Variants in PIWIL4 observed in about 807,000 individuals in gnomAD.
PIWIL4 encodes the protein piwi like RNA-mediated gene silencing 4, also known as piwi-like protein 4.
In PIWIL4, 50 loss-of-function variants were observed where a neutral mutation model predicts 100.9. The observed-to-expected ratio is 0.50, with a 90% confidence interval of 0.39 to 0.63. The LOEUF (loss-of-function observed/expected upper bound fraction) is 0.63, where lower values mean the gene tolerates loss of function less well. PIWIL4 is among the 20% of genes least tolerant of loss of function. PIWIL4 has a pLI of 0.00. For synonymous variants in PIWIL4, 342 were observed against 367.5 expected (o/e 0.93, Z 0.79); for missense variants, 887 against 1,043.3 (o/e 0.85, Z 2.06).
At chr11:94,601,379 A>C (rs1022809050) in intron 11 of PIWIL4, among the ~76,000 whole-genome samples, 1 of 152,116 alleles carries the variant, frequency 6.6e-6, no homozygotes, top group Non-Finnish European at 1.5e-5. Flanking sequence ...GATGACCTAG[A>C]GTATTGATAA....
chr11:94,569,045 T>C (rs918063165), intron 2 of PIWIL4, among the ~76,000 whole-genome samples: 2 of 152,250 alleles, frequency 1.3e-5, no homozygotes, highest in Non-Finnish European at 2.9e-5. Flanking sequence ...TCTGTCTCTT[T>C]CTATTCACTG....
Position 94,608,289 on chromosome 11 carries a change from C to A in PIWIL4, c.1840-294C>A, listed in dbSNP as rs1324016596. On this transcript the variant is annotated intron_variant, in intron 14 of 19. Coordinates refer to ENST00000299001, the MANE Select transcript of PIWIL4 (RefSeq NM_152431.3). ...GCAAGCGATAGATACACTGACCACA[C>A]TCCCAGAATCTCTTTAGCCACTGGT... The A allele has an allele frequency of 1.3e-5, 4 of 296,706 alleles. No individual in the cohort carries two copies. The East Asian group carries it at 2.2e-4, about 16-fold the overall frequency. 18.4% of individuals were successfully genotyped at this position (296,706 alleles called of 1,614,324 possible).
chr11:94,611,456 T>G (rs1250617927), intron 15 of PIWIL4, among the ~76,000 whole-genome samples: 3 of 152,218 alleles, frequency 2.0e-5, no homozygotes, highest in Non-Finnish European at 4.4e-5. Flanking sequence ...TGTGTTTCTA[T>G]ATTTCAATTT....
intron 15 of PIWIL4, among the ~76,000 whole-genome samples, chr11:94,612,224 C>T (rs763838534): frequency 6.6e-6 from 1 of 151,544 alleles, no homozygotes; most frequent in South Asian, 2.1e-4. Flanking sequence ...TTTAGATGCT[C>T]AACTATTAGG....
chr11:94,599,796 C>G (rs952235338), intron 11 of PIWIL4, among the ~76,000 whole-genome samples: 9 of 152,180 alleles, frequency 5.9e-5, no homozygotes, highest in Admixed American at 2.6e-4. Context: ...TTCATAACCT[C>G]TCAGTCACAG....
At chr11:94,592,955 A>G (rs967117170) in intron 8 of PIWIL4, among the ~76,000 whole-genome samples, 1 of 152,204 alleles carries the variant, frequency 6.6e-6, no homozygotes, top group Non-Finnish European at 1.5e-5. Context: ...CCAGTGTCAC[A>G]GCCCAAGCAA....
chr11:94,603,203 C>T (rs576054935), intron 12 of PIWIL4, among the ~76,000 whole-genome samples: 8 of 151,108 alleles, frequency 5.3e-5, no homozygotes, highest in East Asian at 4.0e-4. Flanking sequence ...GTTGCTGAGA[C>T]GGTTCGGCCA....
At position 94,607,544 on chromosome 11, in the gene PIWIL4, T is replaced by G. The variant is rs1489155221; in HGVS notation, c.1744T>G (p.Leu582Val). Residue 582 changes from leucine to valine, a missense_variant, in exon 14 of 20, where the codon TTG becomes GTG. Transcript: ENST00000299001. ...VPSQCVLART[L>V]NKQGMMMSIA... is the part of the protein sequence containing the mutation. ...AAGCCAATGTGTGCTTGCTCGGACCTTGAATAAACAGGGCATGATGATGAG... is the reference window on the plus strand; with the variant it reads ...AAGCCAATGTGTGCTTGCTCGGACCGTGAATAAACAGGGCATGATGATGAG... 1.9e-6 allele frequency: 3 copies of G among 1,614,092 alleles called. No homozygotes were observed. In the East Asian group the frequency reaches 6.7e-5, roughly 36 times the overall value.
At chr11:94,577,838 G>A (rs1948259387) in intron 4 of PIWIL4, among the ~76,000 whole-genome samples, 1 of 152,156 alleles carries the variant, frequency 6.6e-6, no homozygotes, top group African/African-American at 2.4e-5. Context: ...AAAAAAGTCA[G>A]AAGGAGCCAA....
Position 94,587,202 on chromosome 11 carries a change from C to T in PIWIL4, c.869C>T (p.Thr290Ile), listed in dbSNP as rs1948413598. ...CAAAGAACTGGCTTGTCCTGTTTCA[C>T]CCAGACGTGTGAGAAGCAGCTAATA... Reference protein sequence around the residue: ...LCQRTGLSCFTQTCEKQLIGL... With the variant: ...LCQRTGLSCFIQTCEKQLIGL... The change falls in exon 7 of 20, where the codon ACC (threonine) becomes ATC (isoleucine). Residue 290 changes from threonine (T) to isoleucine (I), a missense_variant. Thr to Ile is a moderately conservative substitution (Grantham distance 89). Around this residue, in one of 2 missense-constraint regions of PIWIL4, gnomAD observed 741 missense variants for 930.0 expected, o/e 0.80. Transcript: ENST00000299001. 3 of 1,614,156 alleles carry T rather than the reference C, an allele frequency of 1.9e-6. No individual in the cohort carries two copies. The highest frequency in any genetic ancestry group is 2.5e-6 in the Non-Finnish European group (3 of 1,180,022).
At chr11:94,589,826 G>A (rs1381910386) in intron 8 of PIWIL4, among the ~76,000 whole-genome samples, 2 of 152,090 alleles carry the variant, frequency 1.3e-5, no homozygotes, top group African/African-American at 2.4e-5. Flanking sequence ...GGCACCACAC[G>A]AATGGTCTGA....
chr11:94,595,341 C>A lies in PIWIL4; in HGVS notation c.1183C>A (p.Leu395Met), dbSNP rs1193802228. 1 of 1,613,994 alleles carries A rather than the reference C, an allele frequency of 6.2e-7. No homozygotes were observed. Among genetic ancestry groups the A allele is most frequent in the Admixed American group, 1.7e-5 (1 of 60,022 alleles). The stretch of plus-strand genomic sequence containing the variant: ...TGACCAGGCAACATCTGATTTCCAG[C>A]TGATGAAGGCTGTGGCTGAAAAGAC... The part of the protein sequence containing the change: ...LTDQATSDFQ[L>M]MKAVAEKTRL... The change falls in exon 10 of 20, where the codon CTG becomes ATG. Residue 395 changes from leucine (L) to methionine (M), a missense_variant. Physicochemically the swap from Leu to Met is conservative, Grantham distance 15 (BLOSUM62 2). Transcript: ENST00000299001.
chr11:94,589,968 T>G (rs1430386039), intron 8 of PIWIL4, among the ~76,000 whole-genome samples: 1 of 152,240 alleles, frequency 6.6e-6, no homozygotes, highest in Admixed American at 6.5e-5. Context: ...CTAGAAGCTC[T>G]AGCCGCATTT....
intron 4 of PIWIL4, among the ~76,000 whole-genome samples, chr11:94,579,796 T>C (rs984009009): frequency 6.6e-6 from 1 of 152,272 alleles, no homozygotes; most frequent in African/African-American, 2.4e-5. Flanking sequence ...TTCAATTCTT[T>C]GTCCTATGAC....
chr11:94,593,446 G>A, intron 8 of PIWIL4, 72 bp from the exon 9 acceptor site: 1 of 1,467,562 alleles, frequency 6.8e-7, no homozygotes, highest in Non-Finnish European at 9.3e-7. Flanking sequence ...GGATCACCTT[G>A]TTGAATGTAA....
At chr11:94,594,422 C>T (rs1186930771) in intron 9 of PIWIL4, among the ~76,000 whole-genome samples, 4 of 150,024 alleles carry the variant, frequency 2.7e-5, no homozygotes, top group South Asian at 2.1e-4. Context: ...GCCGCGATCA[C>T]GCCAGTGCAC....
Position 94,577,398 on chromosome 11 carries a change from G to T in PIWIL4, c.419G>T (p.Arg140Ile). 2 of 1,614,106 alleles carry T rather than the reference G, an allele frequency of 1.2e-6. No individual in the cohort carries two copies. The highest frequency in any genetic ancestry group is 1.7e-4 in the Middle Eastern group (1 of 6,060). ...CCAGATTTAGCATCTAGAAGGCTGA[G>T]AATTGCTTTACTTTATAGTCATAGT... Reference protein sequence around the residue: ...YIPDLASRRLRIALLYSHSEL... With the variant: ...YIPDLASRRLIIALLYSHSEL... Residue 140 changes from arginine (R) to isoleucine (I), a missense_variant, in exon 4 of 20, where the codon AGA (arginine) becomes ATA (isoleucine). By Grantham distance (97) the Arg-to-Ile change is moderately conservative. Transcript: ENST00000299001.
intron 4 of PIWIL4, among the ~76,000 whole-genome samples, chr11:94,583,042 ATATGTGTGTGTGTGTGTGTG>A (rs1351455170): frequency 7.1e-6 from 1 of 140,312 alleles, no homozygotes; most frequent in Non-Finnish European, 1.6e-5. Context: ...GTATATATAT[ATATGTGTGTGTGTGTGTGTG>A]TGTGTGTGTG....
At chr11:94,590,915 A>G (rs1207893916) in intron 8 of PIWIL4, among the ~76,000 whole-genome samples, 2 of 152,176 alleles carry the variant, frequency 1.3e-5, no homozygotes, top group Admixed American at 6.5e-5. Flanking sequence ...AAATCTGATT[A>G]CAAGCATAAG....
Sources: gnomAD v4.1 joint callset for allele counts (sites outside exome capture counted in the v4.1 genomes callset) on GRCh38, gnomAD v4.1.1 for gene constraint, gnomAD v4.1.1 regional missense constraint, MANE v1.5 for transcripts, NCBI Gene and HGNC (gene_info 2026-07-23, HGNC 2026-07-21) for gene names.